LPCAT2: variants seen among roughly 807,000 people sequenced by gnomAD.
LPCAT2 encodes the protein lysophosphatidylcholine acyltransferase 2.
In LPCAT2, 58 loss-of-function variants were observed where a neutral mutation model predicts 64.7. The ratio of observed to expected loss-of-function variants is 0.90; its 90% confidence interval spans 0.73 to 1.12. The LOEUF (loss-of-function observed/expected upper bound fraction) is 1.12. Ranked by LOEUF, LPCAT2 falls within the 50% of genes most tolerant of loss-of-function variation. LPCAT2 has a pLI of 0.00. For missense variants in LPCAT2, 579 were observed against 669.8 expected (o/e 0.86, Z 1.50); for synonymous variants, 252 against 245.3 (o/e 1.03, Z -0.26).
At chr16:55,577,679 A>C (rs1963842797) in intron 12 of LPCAT2, among the ~76,000 whole-genome samples, 2 of 152,162 alleles carry the variant, frequency 1.3e-5, no homozygotes, top group African/African-American at 4.8e-5. Flanking sequence ...ATTATCCATC[A>C]GTTATCCTTA....
chr16:55,531,180 T>C (rs1288255466), intron 4 of LPCAT2, among the ~76,000 whole-genome samples: 5 of 152,184 alleles, frequency 3.3e-5, no homozygotes, highest in Non-Finnish European at 5.9e-5. Flanking sequence ...ATATTTTCCC[T>C]ATCTAATTAT....
intron 11 of LPCAT2, among the ~76,000 whole-genome samples, chr16:55,564,949 A>G (rs141483728): frequency 4.6e-4 from 70 of 152,146 alleles, no homozygotes; most frequent in African/African-American, 1.7e-3. Context: ...ATATCTGATA[A>G]GGGATTAATA....
At chr16:55,571,214 A>C (rs1422905038) in intron 11 of LPCAT2, among the ~76,000 whole-genome samples, 1 of 152,236 alleles carries the variant, frequency 6.6e-6, no homozygotes, top group East Asian at 1.9e-4. Context: ...AACTGGAAGG[A>C]ACTGATACCT....
At chr16:55,533,761 G>T (rs1309539032) in intron 6 of LPCAT2, among the ~76,000 whole-genome samples, 2 of 152,016 alleles carry the variant, frequency 1.3e-5, no homozygotes, top group African/African-American at 4.8e-5. Context: ...AGTCTCTTCT[G>T]TTCCAGTTGG....
chr16:55,568,816 G>T (rs1963736725), intron 11 of LPCAT2, among the ~76,000 whole-genome samples: 1 of 152,214 alleles, frequency 6.6e-6, no homozygotes, highest in Admixed American at 6.5e-5. Context: ...AGCTGGGGTA[G>T]TTGTGCCTTT....
chr16:55,518,665 C>T (rs1963047972), intron 1 of LPCAT2, among the ~76,000 whole-genome samples: 1 of 152,140 alleles, frequency 6.6e-6, no homozygotes, highest in African/African-American at 2.4e-5. Flanking sequence ...ATTGCCAAGA[C>T]AATAAAATGG....
chr16:55,523,444 A>G (rs1963125758), intron 1 of LPCAT2, among the ~76,000 whole-genome samples: 1 of 151,768 alleles, frequency 6.6e-6, no homozygotes, highest in South Asian at 2.1e-4. Context: ...TTTTATTTTT[A>G]GTGAAATGAA....
chr16:55,575,639 A>C (rs1325061911), intron 12 of LPCAT2, among the ~76,000 whole-genome samples: 1 of 152,130 alleles, frequency 6.6e-6, no homozygotes, highest in Non-Finnish European at 1.5e-5. Flanking sequence ...GTCTCCCTGC[A>C]ATTCCAAGAA....
At chr16:55,524,407 G>A (rs540495718) in intron 1 of LPCAT2, among the ~76,000 whole-genome samples, 1 of 151,880 alleles carries the variant, frequency 6.6e-6, no homozygotes, top group Non-Finnish European at 1.5e-5. Context: ...AGAACATAGG[G>A]TTTGACTAGA....
intron 2 of LPCAT2, 120 bp downstream of exon 2, chr16:55,525,767 T>C (rs1405729320): frequency 1.8e-6 from 1 of 561,350 alleles, no homozygotes; most frequent in Non-Finnish European, 2.7e-6. Context: ...GATAAAACTA[T>C]TTTATCTGCC....
At chr16:55,557,760 C>T (rs575991401) in intron 11 of LPCAT2, among the ~76,000 whole-genome samples, 109 of 152,246 alleles carry the variant, frequency 7.2e-4, no homozygotes, top group African/African-American at 2.6e-3. Context: ...ACCTCAATAT[C>T]TCTCCACCAT....
At chr16:55,511,089 T>C (rs74021203) in intron 1 of LPCAT2, among the ~76,000 whole-genome samples, 5,099 of 152,280 alleles carry the variant, frequency 0.033, 149 homozygotes, top group African/African-American at 0.079. Context: ...CTCTGAACTA[T>C]ACTTTTCTCG....
At chr16:55,528,879 A>C (rs890803373) in intron 3 of LPCAT2, among the ~76,000 whole-genome samples, 1 of 152,152 alleles carries the variant, frequency 6.6e-6, no homozygotes, top group Non-Finnish European at 1.5e-5. Context: ...GATACTATCC[A>C]TGCCTGATTT....
Position 55,553,099 on chromosome 16 carries a change from A to T in LPCAT2, c.1215+1997A>T, listed in dbSNP as rs925026880. Among the ~76,000 whole-genome samples the T allele has an allele frequency of 2.0e-5, 3 of 152,246 alleles. No homozygotes were observed. The South Asian group carries it at 6.2e-4, about 32-fold the overall frequency. On this transcript the variant is annotated intron_variant, in intron 11 of 13. Coordinates refer to ENST00000262134, the MANE Select transcript of LPCAT2 (RefSeq NM_017839.5). ...ACTAAAAATACAAAATTAGCTGGGC[A>T]TGGTGGTACATGCCTGTAATCCCAG...
At chr16:55,532,375 A>G (rs367859841) in intron 5 of LPCAT2, 2 of 165,302 alleles carry the variant, frequency 1.2e-5, no homozygotes, top group South Asian at 3.5e-4. Context: ...TTAATACTTT[A>G]AAATGTTTTT....
At chr16:55,514,875 T>C (rs1187871072) in intron 1 of LPCAT2, among the ~76,000 whole-genome samples, 2 of 148,662 alleles carry the variant, frequency 1.3e-5, no homozygotes, top group African/African-American at 5.0e-5. Flanking sequence ...AGAATATCAA[T>C]AAAGATGCAA....
rs1315172761 is a variant in LPCAT2 at position 55,582,937 on chromosome 16, A to C, written c.1474A>C (p.Lys492Gln). ...SYEEFKSFAL[K>Q]HPEYAKIFTT... The stretch of plus-strand genomic sequence containing the variant: ...AGAGGAATTTAAAAGTTTTGCCTTA[A>C]AGCATCCAGAATATGCTAAGATATT... The change falls in exon 14 of 14, where the codon AAG (lysine) becomes CAG (glutamine). Residue 492 changes from lysine (K) to glutamine (Q), a missense_variant. Transcript: ENST00000262134. The C allele has an allele frequency of 1.2e-6, 2 of 1,612,266 alleles. No homozygotes were observed. The highest frequency in any genetic ancestry group is 2.7e-5 in the African/African-American group (2 of 74,828).
intron 1 of LPCAT2, among the ~76,000 whole-genome samples, chr16:55,516,481 T>G (rs1963013397): frequency 6.6e-6 from 1 of 151,912 alleles, no homozygotes; most frequent in Admixed American, 6.5e-5. Flanking sequence ...ATGCAAACAG[T>G]AGCCAGGAGA....
chr16:55,525,467 A>C, intron 1 of LPCAT2, 41 bp from the exon 2 acceptor site: 1 of 1,572,450 alleles, frequency 6.4e-7, no homozygotes, highest in Non-Finnish European at 8.7e-7. Flanking sequence ...ATGAATTAAA[A>C]TAATGTCCAT....
Sources: allele counts gnomAD v4.1 joint callset (sites outside exome capture counted in the v4.1 genomes callset), GRCh38; gene constraint gnomAD v4.1.1; transcripts MANE v1.5; gene names NCBI Gene and HGNC (gene_info 2026-07-23, HGNC 2026-07-21).